The following ANO4 variants were observed in gnomAD, a reference collection of about 807,000 sequenced individuals.
The protein encoded by ANO4 is anoctamin-4.
A neutral mutation model predicts 141.9 loss-of-function variants in ANO4; 69 were observed. The ratio of observed to expected loss-of-function variants is 0.49; its 90% confidence interval spans 0.40 to 0.59. The LOEUF is 0.59. ANO4 is among the 20% of genes least tolerant of loss of function. The pLI is 0.00. For missense variants in ANO4, 894 were observed against 1,162.2 expected, an observed-to-expected ratio of 0.77 and a Z score of 3.36; for synonymous variants, 350 against 394.3, an observed-to-expected ratio of 0.89 and a Z score of 1.33.
intron 1 of ANO4, among the ~76,000 whole-genome samples, chr12:100,718,969 AATAGGTTTACGTAATG>A (rs2030737401): frequency 6.6e-6 from 1 of 152,186 alleles, no homozygotes; most frequent in Admixed American, 6.5e-5. Context: ...TACTGTCAGT[AATAGGTTTACGTAATG>A]ATCAGTTCTG....
At chr12:100,851,838 C>T (rs1313251448) in intron 1 of ANO4, among the ~76,000 whole-genome samples, 1 of 151,988 alleles carries the variant, frequency 6.6e-6, no homozygotes, top group Admixed American at 6.6e-5. Context: ...CCTGATGCTC[C>T]AAGCAGAGGG....
At chr12:101,064,661 A>G (rs751721511) in intron 14 of ANO4, among the ~76,000 whole-genome samples, 2 of 90,172 alleles carry the variant, frequency 2.2e-5, no homozygotes, top group South Asian at 3.1e-4. Flanking sequence ...AACTTAAAGT[A>G]TTATAATAAT....
chr12:100,857,350 A>G (rs2038229160), intron 1 of ANO4, among the ~76,000 whole-genome samples: 1 of 152,210 alleles, frequency 6.6e-6, no homozygotes, highest in African/African-American at 2.4e-5. Flanking sequence ...CAGAATAATT[A>G]CAACATTAGG....
chr12:100,747,821 C>T lies in ANO4; in HGVS notation c.358+7716C>T, dbSNP rs191978023. On this transcript the variant is annotated intron_variant, in intron 3 of 29. Transcript: ENST00000644049. ...CCGGGAGGTGAAGGTTGCAGTGATT[C>T]GAGATTGCACCACTGCACTCCAGCC... Among the ~76,000 whole-genome samples the T allele has an allele frequency of 4.1e-4, 63 of 152,298 alleles. 1 individual carries two copies. The South Asian group carries it at 5.0e-3, about 12-fold the overall frequency.
chr12:100,744,848 C>A (rs1485388941), intron 3 of ANO4, among the ~76,000 whole-genome samples: 1 of 152,152 alleles, frequency 6.6e-6, no homozygotes, highest in Non-Finnish European at 1.5e-5. Context: ...ACAAGTCTTC[C>A]TGAATCTTAA....
chr12:101,110,998 G>GTTGA (rs2050642558), intron 23 of ANO4, among the ~76,000 whole-genome samples: 2 of 152,224 alleles, frequency 1.3e-5, no homozygotes, highest in African/African-American at 4.8e-5. Context: ...ATCAGATGCA[G>GTTGA]CTCGCATGAG....
intron 5 of ANO4, among the ~76,000 whole-genome samples, chr12:100,948,150 CAAAAAAAAAA>C (rs58889801): frequency 7.2e-5 from 6 of 83,326 alleles, no homozygotes; most frequent in African/African-American, 1.1e-4. Context: ...GACTTCGTCT[CAAAAAAAAAA>C]AAAAAAAAAA....
intron 1 of ANO4, among the ~76,000 whole-genome samples, chr12:100,885,960 C>T (rs113544078): frequency 2.0e-5 from 3 of 152,146 alleles, no homozygotes; most frequent in Admixed American, 6.5e-5. Flanking sequence ...TCTTGCCTAC[C>T]GAAATATTCC....
chr12:100,798,066 TTTAA>T (rs369653296), intron 1 of ANO4, among the ~76,000 whole-genome samples: 3 of 152,230 alleles, frequency 2.0e-5, no homozygotes, highest in Admixed American at 6.5e-5. Flanking sequence ...GATTTTGCAT[TTTAA>T]TTAATGACAT....
chr12:101,110,440 CT>C lies in ANO4; in HGVS notation c.2190del (p.Leu732Ter). 1 of 1,608,428 alleles carries C rather than the reference CT, an allele frequency of 6.2e-7. No individual in the cohort carries two copies. The highest frequency in any genetic ancestry group is 1.1e-5 in the South Asian group (1 of 89,256). ...QFGFTTIFVA[A>X]FPLAPLLALL... ...GGATTCACAACTATCTTTGTGGCAG[CT>C]TTTCCCCTAGCACCACTTCTGGCCT... On this transcript the variant is annotated frameshift_variant, in exon 23 of 28. Transcript: ENST00000392977. LOFTEE classifies it high-confidence loss of function.
In ANO4 at chr12:100,863,307, C is replaced by T. The variant is rs115711893; in HGVS notation, c.-140-38339C>T. 5.1e-3 allele frequency among the ~76,000 whole-genome samples: 775 copies of T among 152,152 alleles called. 9 individuals are homozygous for T. The highest frequency in any genetic ancestry group is 0.018 in the African/African-American group (746 of 41,524). ...GTGCCTTAAGAGGATCTGGCTGATA[C>T]GGTAAGAACTGGTCACCAGAACAGA... On this transcript the variant is annotated intron_variant, in intron 1 of 27. Transcript: ENST00000392977.
In ANO4 at chr12:100,766,942, A is replaced by G. The variant is rs558887302; in HGVS notation, c.358+26837A>G. Reference sequence around the variant, plus strand: ...ATTGTTGTATCTTCTTGATGAATTGACCTCTTTATCATCATATAATCATCT... The same window carrying G: ...ATTGTTGTATCTTCTTGATGAATTGGCCTCTTTATCATCATATAATCATCT... On this transcript the variant is annotated intron_variant, in intron 3 of 29. Coordinates refer to the ANO4 transcript ENST00000644049. 1.1e-3 allele frequency among the ~76,000 whole-genome samples: 168 copies of G among 152,056 alleles called. 1 individual carries two copies. The highest frequency in any genetic ancestry group is 3.8e-3 in the African/African-American group (159 of 41,476).
intron 14 of ANO4, among the ~76,000 whole-genome samples, chr12:101,069,822 T>A (rs1395994829): frequency 6.6e-6 from 1 of 152,176 alleles, no homozygotes; most frequent in East Asian, 1.9e-4. Flanking sequence ...GAAAAGTATC[T>A]ACGGGTATAT....
chr12:101,069,926 G>C (rs186074086), intron 14 of ANO4, among the ~76,000 whole-genome samples: 48 of 152,182 alleles, frequency 3.2e-4, no homozygotes, highest in African/African-American at 1.1e-3. Flanking sequence ...GGAGGTGATG[G>C]GGGGAGAGGG....
At chr12:100,771,916 G>A (rs2033317568) in intron 3 of ANO4, among the ~76,000 whole-genome samples, 1 of 152,188 alleles carries the variant, frequency 6.6e-6, no homozygotes, top group Non-Finnish European at 1.5e-5. Flanking sequence ...GGGGAGGGCA[G>A]CATTCCCTGT....
chr12:100,961,412 T>C (rs917666749), intron 5 of ANO4, among the ~76,000 whole-genome samples: 2 of 152,214 alleles, frequency 1.3e-5, no homozygotes, highest in Admixed American at 6.5e-5. Flanking sequence ...AGAAGTGTTA[T>C]GTATCCTTAT....
At chr12:100,944,764 T>C (rs1036093185) in intron 5 of ANO4, among the ~76,000 whole-genome samples, 1 of 152,186 alleles carries the variant, frequency 6.6e-6, no homozygotes, top group Non-Finnish European at 1.5e-5. Flanking sequence ...CTCTTATAGA[T>C]AAATTAATTT....
Position 100,855,878 on chromosome 12 carries a change from A to T in ANO4, c.-140-45768A>T, listed in dbSNP as rs532526083. ...CAAGTTTCAAGGAATTTACAGTGAAATCAAGGATATAGATATACTATCAAC... is the reference window on the plus strand; with the variant it reads ...CAAGTTTCAAGGAATTTACAGTGAATTCAAGGATATAGATATACTATCAAC... On this transcript the variant is annotated intron_variant, in intron 1 of 27. Coordinates refer to ENST00000392977, the MANE Select transcript of ANO4 (RefSeq NM_001286615.2). Among the ~76,000 whole-genome samples the T allele has an allele frequency of 3.9e-5, 6 of 152,322 alleles. 1 individual carries two copies. Among genetic ancestry groups the T allele is most frequent in the African/African-American group, 1.4e-4 (6 of 41,580 alleles).
intron 1 of ANO4, among the ~76,000 whole-genome samples, chr12:100,729,973 T>G (rs947920996): frequency 2.0e-5 from 3 of 152,192 alleles, no homozygotes; most frequent in Non-Finnish European, 4.4e-5. Context: ...TGATTTCTCA[T>G]TATGCTTTTT....
Sources: allele counts gnomAD v4.1 joint callset (sites outside exome capture counted in the v4.1 genomes callset), GRCh38; gene constraint gnomAD v4.1.1; transcripts MANE v1.5; gene names NCBI Gene and HGNC (gene_info 2026-07-23, HGNC 2026-07-21).